The following DYNC2H1 variants were observed in gnomAD, a reference collection of about 807,000 sequenced individuals.
DYNC2H1 encodes dynein cytoplasmic 2 heavy chain 1, also known as cytoplasmic dynein 2 heavy chain 1.
DYNC2H1 carries 410 observed loss-of-function variants against 570.0 expected under a neutral mutation model. That is an observed-to-expected ratio of 0.72 (90% CI 0.66 to 0.78). The LOEUF is 0.78. Among genes scored for constraint, DYNC2H1 ranks in the 30% least tolerant of loss-of-function variants. DYNC2H1 has a pLI of 0.00. For missense variants in DYNC2H1, 4,865 were observed against 5,046.4 expected, an observed-to-expected ratio of 0.96 and a Z score of 1.09; for synonymous variants, 1,688 against 1,677.6, an observed-to-expected ratio of 1.01 and a Z score of -0.15.
rs1864886335 is a variant in DYNC2H1 at position 103,252,809 on chromosome 11, T to G, written c.10043-476T>G. Among the ~76,000 whole-genome samples, 1 of 152,226 alleles carries G rather than the reference T, an allele frequency of 6.6e-6. No individual in the cohort carries two copies. The highest frequency in any genetic ancestry group is 2.1e-4 in the South Asian group (1 of 4,836). ...AAGTTTTTAGGTTATTCTTTCATTT[T>G]GTTGATAATGTGTATTTTTCAGTTA... On this transcript the variant is annotated intron_variant, in intron 65 of 88. Coordinates refer to ENST00000375735, the MANE Select transcript of DYNC2H1 (RefSeq NM_001377.3). This position sits in a 1 kb window ranked among gnomAD's most constrained non-coding sequence, Gnocchi z 4.6.
chr11:103,427,207 G>A (rs1261035818), intron 84 of DYNC2H1, among the ~76,000 whole-genome samples: 2 of 152,060 alleles, frequency 1.3e-5, no homozygotes, highest in Non-Finnish European at 2.9e-5. Context: ...CTAAATGAAT[G>A]TATCACAGAA....
chr11:103,230,501 T>G (rs1863964078), intron 59 of DYNC2H1, among the ~76,000 whole-genome samples: 1 of 152,202 alleles, frequency 6.6e-6, no homozygotes, highest in Non-Finnish European at 1.5e-5. Flanking sequence ...AAGCTAGACT[T>G]GCAGCATTCT....
intron 6 of DYNC2H1, among the ~76,000 whole-genome samples, chr11:103,118,456 AAT>A (rs1054804511): frequency 6.6e-6 from 1 of 152,122 alleles, no homozygotes; most frequent in Admixed American, 6.6e-5. Context: ...ATTCAATTTT[AAT>A]AGTCATTGAC....
At position 103,204,107 on chromosome 11, in the gene DYNC2H1, A is replaced by G. The variant is rs1410191090; in HGVS notation, c.8311+331A>G. 1.3e-5 allele frequency among the ~76,000 whole-genome samples: 2 copies of G among 152,138 alleles called. No homozygotes were observed. The highest frequency in any genetic ancestry group is 4.8e-5 in the African/African-American group (2 of 41,428). ...GCAAGTCATATTTTACATGGATGGCAGCAAGCAAAGGAGGGCTTGTGCAGA... is the reference window on the plus strand; with the variant it reads ...GCAAGTCATATTTTACATGGATGGCGGCAAGCAAAGGAGGGCTTGTGCAGA... On this transcript the variant is annotated intron_variant, in intron 51 of 88. Coordinates refer to ENST00000375735, the MANE Select transcript of DYNC2H1 (RefSeq NM_001377.3). The surrounding 1 kb of genome is among the most constrained non-coding windows in gnomAD (Gnocchi z 4.1).
At chr11:103,427,734 G>T (rs985077769) in intron 84 of DYNC2H1, among the ~76,000 whole-genome samples, 2 of 152,016 alleles carry the variant, frequency 1.3e-5, no homozygotes, top group Non-Finnish European at 2.9e-5. Context: ...CCACCACGAG[G>T]GGCTGCTCCA....
chr11:103,162,290 A>G (rs568958613), intron 29 of DYNC2H1, among the ~76,000 whole-genome samples: 1 of 152,304 alleles, frequency 6.6e-6, no homozygotes, highest in Admixed American at 6.5e-5. Flanking sequence ...ACAGATTGAA[A>G]AAAAAAGCTG....
At chr11:103,444,492 AAG>A (rs1944365354) in intron 85 of DYNC2H1, among the ~76,000 whole-genome samples, 1 of 152,140 alleles carries the variant, frequency 6.6e-6, no homozygotes, top group African/African-American at 2.4e-5. Context: ...AACAGTGTTA[AAG>A]TAAGCATCTG....
intron 83 of DYNC2H1, among the ~76,000 whole-genome samples, chr11:103,385,085 A>C (rs984288611): frequency 6.6e-6 from 1 of 151,980 alleles, no homozygotes; most frequent in African/African-American, 2.4e-5. Context: ...TGCTTTTAAG[A>C]TCTCTTTACC....
chr11:103,303,513 A>G (rs1233480263), intron 76 of DYNC2H1, among the ~76,000 whole-genome samples: 1 of 152,100 alleles, frequency 6.6e-6, no homozygotes, highest in East Asian at 1.9e-4. Flanking sequence ...GTTTTTTATA[A>G]GAGGGAGGCA....
At chr11:103,191,016 G>GTA (rs67210899) in intron 45 of DYNC2H1, among the ~76,000 whole-genome samples, 124 of 114,248 alleles carry the variant, frequency 1.1e-3, no homozygotes, top group South Asian at 3.3e-3. Context: ...TAGAATATAT[G>GTA]TATATATATA....
chr11:103,380,986 T>C (rs1941621417), intron 83 of DYNC2H1, among the ~76,000 whole-genome samples: 1 of 152,230 alleles, frequency 6.6e-6, no homozygotes, highest in Admixed American at 6.5e-5. Flanking sequence ...AATATCATGC[T>C]GGAGTGCTTA....
At position 103,426,566 on chromosome 11, in the gene DYNC2H1, A is replaced by G. The variant is rs141049353; in HGVS notation, c.12367-9377A>G. ...CAAGTTTAAATACTATTTAGACCCT[A>G]AAATTCCATTTAATTTACTGAACAT... is the stretch of plus-strand genomic sequence containing the variant. On this transcript the variant is annotated intron_variant, in intron 84 of 88. Transcript: ENST00000375735. 2.8e-3 allele frequency among the ~76,000 whole-genome samples: 430 copies of G among 152,354 alleles called. 2 individuals carry two copies. Among genetic ancestry groups the G allele is most frequent in the African/African-American group, 9.9e-3 (411 of 41,586 alleles).
intron 5 of DYNC2H1, among the ~76,000 whole-genome samples, chr11:103,117,211 A>G (rs1007265779): frequency 6.8e-6 from 1 of 146,916 alleles, no homozygotes; most frequent in Non-Finnish European, 1.5e-5. Flanking sequence ...AATTGTATAT[A>G]TATATATATA....
At chr11:103,122,712 A>T in intron 10 of DYNC2H1, 113 bp from the exon 11 acceptor site, 1 of 902,644 alleles carries the variant, frequency 1.1e-6, no homozygotes, top group Non-Finnish European at 1.6e-6. Flanking sequence ...CACTGTTTAT[A>T]GATGAAAGGT....
intron 83 of DYNC2H1, among the ~76,000 whole-genome samples, chr11:103,373,150 A>T (rs1941243025): frequency 6.6e-6 from 1 of 152,026 alleles, no homozygotes. Flanking sequence ...GTCCAGGCTG[A>T]TCTCAAACTC....
Position 103,199,680 on chromosome 11 carries a change from A to G in DYNC2H1, c.8088+204A>G, listed in dbSNP as rs939245005. On this transcript the variant is annotated intron_variant, in intron 49 of 88. Coordinates refer to ENST00000375735, the MANE Select transcript of DYNC2H1 (RefSeq NM_001377.3). This position sits in a 1 kb window ranked among gnomAD's most constrained non-coding sequence, Gnocchi z 4.6. ...TTATTAGAAAATTACATTTTTATCT[A>G]TAGACAGGAAAGAGAATACTATTAG... Among the ~76,000 whole-genome samples, 25 of 152,144 alleles carry G rather than the reference A, an allele frequency of 1.6e-4. No homozygotes were observed. Among genetic ancestry groups the G allele is most frequent in the Admixed American group, 9.8e-4 (15 of 15,268 alleles).
chr11:103,235,753 G>T lies in DYNC2H1; in HGVS notation c.9649G>T (p.Ala3217Ser). 6.2e-7 allele frequency: 1 copy of T among 1,611,766 alleles called. No individual in the cohort carries two copies. The highest frequency in any genetic ancestry group is 8.5e-7 in the Non-Finnish European group (1 of 1,178,574). The change falls in exon 62 of 89, where the codon GCT (alanine) becomes TCT (serine). Residue 3217 changes from alanine to serine, a missense_variant. By Grantham distance (99) the Ala-to-Ser change is moderately conservative. Around this residue, in one of 5 missense-constraint regions of DYNC2H1, gnomAD observed 2,401 missense variants for 2,454.6 expected, o/e 0.98. Coordinates refer to ENST00000375735, the MANE Select transcript of DYNC2H1 (RefSeq NM_001377.3). ...AAAFITYLSA[A>S]PESLRKTCLE... ...TGCATTTATTACATATCTTTCTGCT[G>T]CTCCTGAATCTCTGAGAAAAACCTG...
chr11:103,192,287 A>G (rs1862349877), intron 47 of DYNC2H1, 23 bp downstream of exon 47: 1 of 1,444,612 alleles, frequency 6.9e-7, no homozygotes, highest in African/African-American at 1.4e-5. Context: ...AGCTTATGCA[A>G]ATACATAACT....
rs540232471 is a variant in DYNC2H1 at position 103,115,811 on chromosome 11, A to C, written c.621+516A>C. Among the ~76,000 whole-genome samples the C allele has an allele frequency of 1.6e-4, 25 of 152,128 alleles. No homozygotes were observed. The East Asian group carries it at 3.9e-3, about 23-fold the overall frequency. On this transcript the variant is annotated intron_variant, in intron 4 of 88. Coordinates refer to ENST00000375735, the MANE Select transcript of DYNC2H1 (RefSeq NM_001377.3). ...TAGAAAAAAACAAAAAACAAAAAAA[A>C]CCCCAAAATTACTTTTCTGCAGGTA...
Sources: allele counts gnomAD v4.1 joint callset (sites outside exome capture counted in the v4.1 genomes callset), GRCh38; gene constraint gnomAD v4.1.1; regional missense constraint gnomAD v4.1.1; non-coding constraint Gnocchi (gnomAD v3.1); transcripts MANE v1.5; gene names NCBI Gene and HGNC (gene_info 2026-07-23, HGNC 2026-07-21).